The following AXDND1 variants were observed in gnomAD, a reference collection of about 807,000 sequenced individuals.
AXDND1 encodes the protein axonemal dynein light chain domain containing 1, also known as axonemal dynein light chain domain-containing protein 1.
AXDND1 carries 110 observed loss-of-function variants against 137.5 expected under a neutral mutation model. The observed-to-expected ratio is 0.80, with a 90% CI of 0.69 to 0.94. The LOEUF is 0.94. Among genes scored for constraint, AXDND1 ranks in the 40% least tolerant of loss-of-function variants. The probability of loss-of-function intolerance (pLI) is 0.00; values close to 1 mark genes in which losing one functional copy is unlikely to be tolerated. For synonymous variants in AXDND1, 414 were observed against 399.7 expected (o/e 1.04, Z -0.43); for missense variants, 1,191 against 1,169.8 (o/e 1.02, Z -0.26).
At chr1:179,381,978 G>A (rs1324502454) in intron 6 of AXDND1, among the ~76,000 whole-genome samples, 2 of 125,224 alleles carry the variant, frequency 1.6e-5, no homozygotes, top group African/African-American at 6.1e-5. Context: ...ATTTTTAGTA[G>A]CGACGGGGTT....
chr1:179,534,967 G>C lies in AXDND1; in HGVS notation c.3031+5G>C, dbSNP rs773852944. 6.2e-7 allele frequency: 1 copy of C among 1,606,770 alleles called. No individual in the cohort carries two copies. The highest frequency in any genetic ancestry group is 1.1e-5 in the South Asian group (1 of 88,536). ...CCTCAAAATCTCCAAAGAAAGGTAA[G>C]GATTGCTTCGTATTTTGCTTTATTC... On this transcript the variant is annotated splice_donor_5th_base_variant and intron_variant, in intron 25 of 25. Transcript: ENST00000367618.
intron 16 of AXDND1, among the ~76,000 whole-genome samples, chr1:179,447,002 G>T (rs1659828574): frequency 6.6e-6 from 1 of 152,084 alleles, no homozygotes; most frequent in African/African-American, 2.4e-5. Context: ...TAATGATCAA[G>T]GTCAGGGTAT....
rs148295192 is a variant in AXDND1 at position 179,539,721 on chromosome 1, T to C, written c.3031+4759T>C. Among the ~76,000 whole-genome samples the C allele has an allele frequency of 4.7e-4, 72 of 152,356 alleles. No homozygotes were observed. The East Asian group carries it at 0.011, about 23-fold the overall frequency. On this transcript the variant is annotated intron_variant, in intron 25 of 25. Transcript: ENST00000367618. ...TGTGGTGTTCTCTGTATTTCCTGAA[T>C]TTGAATATTCGCCTGCCTTGCTAGG...
intron 20 of AXDND1, among the ~76,000 whole-genome samples, chr1:179,494,179 T>A (rs1170958858): frequency 6.6e-6 from 1 of 152,134 alleles, no homozygotes; most frequent in Non-Finnish European, 1.5e-5. Flanking sequence ...CTCAAACTCC[T>A]GACCTCAAGT....
At chr1:179,426,651 C>T (rs1253775063) in intron 12 of AXDND1, among the ~76,000 whole-genome samples, 1 of 152,148 alleles carries the variant, frequency 6.6e-6, no homozygotes, top group Non-Finnish European at 1.5e-5. Context: ...TTCATTTCAA[C>T]ATTGCTTGTG....
chr1:179,483,314 A>G, intron 18 of AXDND1, 93 bp downstream of exon 18: 1 of 801,790 alleles, frequency 1.2e-6, no homozygotes, highest in South Asian at 2.2e-5. Flanking sequence ...TAAATGAAGC[A>G]GGAGGTTGAG....
At chr1:179,394,084 T>C in intron 10 of AXDND1, 41 bp downstream of exon 10, 3 of 1,552,804 alleles carry the variant, frequency 1.9e-6, no homozygotes, top group Non-Finnish European at 1.7e-6. Context: ...CAAAAGTCAA[T>C]GTCATGTCTC....
intron 17 of AXDND1, among the ~76,000 whole-genome samples, chr1:179,469,282 C>T (rs1663629870): frequency 1.3e-5 from 2 of 152,086 alleles, no homozygotes. Flanking sequence ...GTCTTTGTGT[C>T]TAACTTCTTT....
chr1:179,439,383 A>G (rs1223796608), intron 15 of AXDND1, among the ~76,000 whole-genome samples: 1 of 152,200 alleles, frequency 6.6e-6, no homozygotes, highest in Non-Finnish European at 1.5e-5. Flanking sequence ...GTAGTGATAC[A>G]CAAAGGAAGT....
intron 15 of AXDND1, among the ~76,000 whole-genome samples, chr1:179,435,697 A>G (rs1320662384): frequency 6.6e-6 from 1 of 152,228 alleles, no homozygotes; most frequent in Admixed American, 6.5e-5. Flanking sequence ...TTTACTCAAG[A>G]TGGATTAAAG....
intron 20 of AXDND1, among the ~76,000 whole-genome samples, chr1:179,493,897 A>G (rs745530777): frequency 1.2e-4 from 18 of 152,154 alleles, no homozygotes; most frequent in Non-Finnish European, 2.4e-4. Context: ...TCTTGCCAGC[A>G]GTATCTGAGA....
intron 25 of AXDND1, chr1:179,545,584 A>G (rs1323463613): frequency 6.6e-6 from 1 of 152,192 alleles, no homozygotes; most frequent in Non-Finnish European, 1.5e-5. Flanking sequence ...AGCCAGCCTT[A>G]TCTTTGCTCC....
At chr1:179,366,865 TA>T (rs1315543668) in intron 2 of AXDND1, among the ~76,000 whole-genome samples, 1 of 152,230 alleles carries the variant, frequency 6.6e-6, no homozygotes, top group Non-Finnish European at 1.5e-5. Context: ...CAACCTATTT[TA>T]AATATCAATA....
intron 21 of AXDND1, among the ~76,000 whole-genome samples, chr1:179,512,679 T>C (rs548662153): frequency 6.6e-6 from 1 of 152,232 alleles, no homozygotes; most frequent in Non-Finnish European, 1.5e-5. Context: ...ACAGTATTGA[T>C]TCTACTCATC....
At position 179,468,521 on chromosome 1, in the gene AXDND1, A is replaced by T. The variant is rs1341322913; in HGVS notation, c.1877A>T (p.Asp626Val). The change falls in exon 17 of 26, where the codon GAT becomes GTT. Residue 626 changes from aspartate to valine, a missense_variant. By Grantham distance (152) the Asp-to-Val change is radical. Coordinates refer to ENST00000367618, the MANE Select transcript of AXDND1 (RefSeq NM_144696.6). ...SFKLENLEFP[D>V]TPLEEWQEID... ...AAGTTGGAAAACCTGGAGTTTCCTG[A>T]TACGCCTCTTGAAGAATGGCAGGAA... 1.1e-5 allele frequency: 17 copies of T among 1,613,016 alleles called. No homozygotes were observed. Among genetic ancestry groups the T allele is most frequent in the East Asian group, 6.7e-5 (3 of 44,794 alleles).
chr1:179,425,013 C>T (rs1307443484), intron 12 of AXDND1, among the ~76,000 whole-genome samples: 2 of 152,156 alleles, frequency 1.3e-5, no homozygotes, highest in East Asian at 1.9e-4. Context: ...CATCAGAGAG[C>T]TCACGTGTTA....
intron 16 of AXDND1, chr1:179,447,909 T>C: frequency 7.3e-7 from 1 of 1,368,666 alleles, no homozygotes; most frequent in Non-Finnish European, 1.0e-6. Flanking sequence ...GTAATATGGT[T>C]TGAGGTGGAG....
At chr1:179,515,181 G>C (rs543873688) in intron 21 of AXDND1, among the ~76,000 whole-genome samples, 1 of 151,994 alleles carries the variant, frequency 6.6e-6, no homozygotes, top group African/African-American at 2.4e-5. Context: ...TATAAGTCCT[G>C]TGTGATTTAT....
At chr1:179,405,981 T>A (rs1652891901) in intron 11 of AXDND1, among the ~76,000 whole-genome samples, 1 of 152,118 alleles carries the variant, frequency 6.6e-6, no homozygotes, top group African/African-American at 2.4e-5. Flanking sequence ...TTTGAAATCT[T>A]TCTGCTCTTT....
Sources: allele counts gnomAD v4.1 joint callset (sites outside exome capture counted in the v4.1 genomes callset), GRCh38; gene constraint gnomAD v4.1.1; transcripts MANE v1.5; gene names NCBI Gene and HGNC (gene_info 2026-07-23, HGNC 2026-07-21).